The following DYTN variants were observed in gnomAD, a reference collection of about 807,000 sequenced individuals.
The protein encoded by DYTN is dystrotelin.
DYTN carries 75 observed loss-of-function variants against 69.6 expected under a neutral mutation model. The ratio of observed to expected loss-of-function variants is 1.08; its 90% CI spans 0.89 to 1.31. DYTN has a LOEUF of 1.31. Among genes scored for constraint, DYTN ranks in the 50% most tolerant of loss-of-function variants. The probability of loss-of-function intolerance (pLI) is 0.00; values close to 1 mark genes in which losing one functional copy is unlikely to be tolerated. For synonymous variants in DYTN, 252 were observed against 249.1 expected, an observed-to-expected ratio of 1.01 and a Z score of -0.11; for missense variants, 726 against 688.4, an observed-to-expected ratio of 1.05 and a Z score of -0.61.
chr2:206,714,531 T>G (rs1700109692), intron 1 of DYTN, among the ~76,000 whole-genome samples: 1 of 152,008 alleles, frequency 6.6e-6, no homozygotes, highest in South Asian at 2.1e-4. Context: ...ACTCAGGCCT[T>G]TGTATGAAAA....
At position 206,656,647 on chromosome 2, in the gene DYTN, A is replaced by G. The variant is rs551071563; in HGVS notation, c.1634-4726T>C. The stretch of plus-strand genomic sequence containing the variant: ...GACAGCTATTATATTTGCACTTACT[A>G]TGAGGCTTATATAAAAATCTTATAG... On this transcript the variant is annotated intron_variant, in intron 11 of 11. Transcript: ENST00000452335. Among the ~76,000 whole-genome samples the G allele has an allele frequency of 3.0e-4, 45 of 152,148 alleles. No homozygotes were observed. The South Asian group carries it at 9.3e-3, about 32-fold the overall frequency.
Position 206,664,383 on chromosome 2 carries a change from G to A in DYTN, c.1141-988C>T, listed in dbSNP as rs7560806. 1.6e-3 allele frequency among the ~76,000 whole-genome samples: 237 copies of A among 152,274 alleles called. 1 individual carries two copies. Among genetic ancestry groups the A allele is most frequent in the African/African-American group, 5.7e-3 (235 of 41,552 alleles). The stretch of plus-strand genomic sequence containing the variant: ...TCAGTTATAACAGTTAAGGCCGGGC[G>A]CAGTGGCTCATGTCTGTAATCCCAG... On this transcript the variant is annotated intron_variant, in intron 10 of 11. Coordinates refer to ENST00000452335, the MANE Select transcript of DYTN (RefSeq NM_001093730.1).
At chr2:206,677,435 G>A (rs77272814) in intron 9 of DYTN, among the ~76,000 whole-genome samples, 21,022 of 146,404 alleles carry the variant, frequency 0.14, 1,551 homozygotes, top group East Asian at 0.21. Flanking sequence ...ATTCTAAAAT[G>A]ACAAATTTTT....
chr2:206,664,239 GT>G, intron 10 of DYTN, among the ~76,000 whole-genome samples: 1 of 152,340 alleles, frequency 6.6e-6, no homozygotes, highest in South Asian at 2.1e-4. Flanking sequence ...GTTGCCTCTT[GT>G]GTCAAAGAAA....
intron 9 of DYTN, among the ~76,000 whole-genome samples, chr2:206,675,614 A>C (rs1161749297): frequency 6.6e-6 from 1 of 152,136 alleles, no homozygotes; most frequent in East Asian, 1.9e-4. Flanking sequence ...AGAAACCTAA[A>C]TATCACAAAG....
In DYTN at chr2:206,707,305, T is replaced by C. The variant is rs757301123; in HGVS notation, c.293A>G (p.Asn98Ser). ...LTLSLLTTMY[N>S]SKGTGFLQLM... ...AGCGCGACGTCCACACCCTCACCTG[T>C]TGTACATTGTCGTGAGAAGGCTCAG... is the stretch of plus-strand genomic sequence containing the variant. The change falls in exon 3 of 12, where the codon AAC becomes AGC. Residue 98 changes from asparagine (N) to serine (S), a missense_variant. Asn to Ser is a conservative substitution (Grantham distance 46). Coordinates refer to ENST00000452335, the MANE Select transcript of DYTN (RefSeq NM_001093730.1). 7.4e-6 allele frequency: 12 copies of C among 1,611,250 alleles called. No individual in the cohort carries two copies. In the East Asian group the frequency reaches 1.3e-4, roughly 18 times the overall value.
chr2:206,662,317 G>A (rs1443443814), intron 11 of DYTN, among the ~76,000 whole-genome samples: 1 of 152,148 alleles, frequency 6.6e-6, no homozygotes, highest in Non-Finnish European at 1.5e-5. Flanking sequence ...TAACCCCATT[G>A]TAAACTGAGA....
chr2:206,668,719 T>C (rs1396335586), intron 9 of DYTN, among the ~76,000 whole-genome samples: 1 of 152,228 alleles, frequency 6.6e-6, no homozygotes, highest in African/African-American at 2.4e-5. Context: ...GGTTTGGCTG[T>C]GTCCCCACCC....
At chr2:206,654,657 C>T (rs1202138979) in intron 11 of DYTN, among the ~76,000 whole-genome samples, 1 of 152,210 alleles carries the variant, frequency 6.6e-6, no homozygotes, top group Non-Finnish European at 1.5e-5. Flanking sequence ...AGGGTCAACT[C>T]TGTATCCATT....
intron 9 of DYTN, among the ~76,000 whole-genome samples, chr2:206,680,264 G>A (rs1248425834): frequency 1.3e-5 from 2 of 152,076 alleles, no homozygotes; most frequent in Non-Finnish European, 2.9e-5. Context: ...CAGATCTTAT[G>A]AGACTTACTC....
At chr2:206,715,036 T>C (rs1326869021) in intron 1 of DYTN, among the ~76,000 whole-genome samples, 1 of 152,058 alleles carries the variant, frequency 6.6e-6, no homozygotes, top group African/African-American at 2.4e-5. Context: ...TCTAAGATAC[T>C]AAGCAGCATT....
intron 7 of DYTN, 81 bp downstream of exon 7, chr2:206,699,646 A>G (rs1463958661): frequency 2.7e-5 from 40 of 1,475,860 alleles, no homozygotes; most frequent in Middle Eastern, 1.9e-4. Context: ...GAGGACCCCA[A>G]AAAGAATCTG....
rs1447977072 is a variant in DYTN at position 206,694,752 on chromosome 2, A to G, written c.831+14T>C. On this transcript the variant is annotated intron_variant, in intron 8 of 11. Coordinates refer to ENST00000452335, the MANE Select transcript of DYTN (RefSeq NM_001093730.1). Reference sequence around the variant, plus strand: ...TGATTAATGAATAGTTTGGTATGTGACATTAAATGTTACCTGAATGCAGTG... The same window carrying G: ...TGATTAATGAATAGTTTGGTATGTGGCATTAAATGTTACCTGAATGCAGTG... The G allele has an allele frequency of 6.3e-7, 1 of 1,581,408 alleles. No individual in the cohort carries two copies. Among genetic ancestry groups the G allele is most frequent in the South Asian group, 1.2e-5 (1 of 85,358 alleles).
intron 1 of DYTN, among the ~76,000 whole-genome samples, chr2:206,711,727 C>G (rs375302545): frequency 1.3e-5 from 2 of 151,562 alleles, no homozygotes; most frequent in African/African-American, 4.9e-5. Context: ...CAATCCTATC[C>G]CTCCCCCTTC....
At chr2:206,657,487 A>G (rs79758777) in intron 11 of DYTN, among the ~76,000 whole-genome samples, 4,099 of 152,298 alleles carry the variant, frequency 0.027, 81 homozygotes, top group South Asian at 0.054. Context: ...TTTGTATTGT[A>G]TATTCATTAA....
chr2:206,705,405 T>C (rs913683262), intron 4 of DYTN, among the ~76,000 whole-genome samples: 3 of 152,226 alleles, frequency 2.0e-5, no homozygotes, highest in African/African-American at 7.2e-5. Context: ...GTCACTATGA[T>C]TTTTGTAATA....
intron 5 of DYTN, among the ~76,000 whole-genome samples, chr2:206,704,509 A>G (rs1242563680): frequency 2.0e-5 from 3 of 152,248 alleles, no homozygotes. Flanking sequence ...CTGTACCTAT[A>G]GACAGATACA....
At chr2:206,684,086 C>T (rs1469518799) in intron 9 of DYTN, among the ~76,000 whole-genome samples, 1 of 151,662 alleles carries the variant, frequency 6.6e-6, no homozygotes, top group African/African-American at 2.4e-5. Context: ...TCTTTTTCTT[C>T]ATTGATGTAG....
At chr2:206,710,671 C>G (rs767636201) in intron 1 of DYTN, 73 bp from the exon 2 acceptor site, 2 of 1,211,170 alleles carry the variant, frequency 1.7e-6, no homozygotes, top group African/African-American at 3.1e-5. Flanking sequence ...GGAAGGAAAT[C>G]CTAGAGATCA....
Sources: allele counts gnomAD v4.1 joint callset (sites outside exome capture counted in the v4.1 genomes callset), GRCh38; gene constraint gnomAD v4.1.1; transcripts MANE v1.5; gene names NCBI Gene and HGNC (gene_info 2026-07-23, HGNC 2026-07-21).